Variants in NPAS3 observed in about 807,000 individuals in gnomAD.
NPAS3 encodes the protein neuronal PAS domain-containing protein 3.
In NPAS3, 14 loss-of-function variants were observed where a neutral mutation model predicts 73.1. That is an observed-to-expected ratio of 0.19 (90% CI 0.13 to 0.30). The LOEUF (loss-of-function observed/expected upper bound fraction) is 0.30. NPAS3 is among the 10% of genes least tolerant of loss of function. NPAS3 has a pLI of 1.00. For synonymous variants in NPAS3, 620 were observed against 541.5 expected (o/e 1.14, Z -2.01); for missense variants, 1,096 against 1,250.0 (o/e 0.88, Z 1.86).
chr14:33,012,158 C>T (rs1316112128), intron 1 of NPAS3, among the ~76,000 whole-genome samples: 1 of 152,116 alleles, frequency 6.6e-6, no homozygotes, highest in Non-Finnish European at 1.5e-5. Flanking sequence ...TAAAAACAGC[C>T]TTGCCCTATC....
intron 3 of NPAS3, among the ~76,000 whole-genome samples, chr14:33,274,677 C>T (rs2041247520): frequency 6.6e-6 from 1 of 152,116 alleles, no homozygotes; most frequent in African/African-American, 2.4e-5. Flanking sequence ...ATCTCAGTTG[C>T]ATAAATGATA....
intron 2 of NPAS3, among the ~76,000 whole-genome samples, chr14:33,169,971 T>A (rs189248010): frequency 1.5e-4 from 23 of 152,310 alleles, no homozygotes; most frequent in Admixed American, 1.4e-3. Flanking sequence ...CTGATACATC[T>A]TGTAGTTTTG....
At chr14:33,331,757 T>G (rs1194381074) in intron 3 of NPAS3, among the ~76,000 whole-genome samples, 1 of 152,222 alleles carries the variant, frequency 6.6e-6, no homozygotes, top group Non-Finnish European at 1.5e-5. Flanking sequence ...GATGACATCA[T>G]TTTTGACTCT....
intron 6 of NPAS3, among the ~76,000 whole-genome samples, chr14:33,687,240 T>C (rs1387537294): frequency 6.6e-6 from 1 of 152,162 alleles, no homozygotes; most frequent in African/African-American, 2.4e-5. Context: ...CAATTGGTAA[T>C]AAAATATGGA....
At chr14:33,396,870 C>T (rs1250255316) in intron 4 of NPAS3, among the ~76,000 whole-genome samples, 1 of 152,098 alleles carries the variant, frequency 6.6e-6, no homozygotes, top group Admixed American at 6.6e-5. Flanking sequence ...TCTGATGGAG[C>T]ATGCACAAAT....
chr14:33,600,180 A>G (rs976736195), intron 5 of NPAS3, among the ~76,000 whole-genome samples: 1 of 152,204 alleles, frequency 6.6e-6, no homozygotes, highest in Non-Finnish European at 1.5e-5. Context: ...ATGAAGAGTC[A>G]TATTATCCAC....
chr14:33,335,035 T>TGTGTGC (rs752868609), intron 3 of NPAS3, among the ~76,000 whole-genome samples: 7,822 of 116,350 alleles, frequency 0.067, 510 homozygotes, highest in East Asian at 0.21. Context: ...TTCCATTGTG[T>TGTGTGC]GTGTGTGCGT....
At chr14:33,651,653 CCT>C (rs1430992933) in intron 5 of NPAS3, among the ~76,000 whole-genome samples, 2 of 152,060 alleles carry the variant, frequency 1.3e-5, no homozygotes, top group African/African-American at 4.8e-5. Flanking sequence ...TTTCTCTATA[CCT>C]CTGTTTCCTC....
intron 7 of NPAS3, among the ~76,000 whole-genome samples, chr14:33,760,375 T>C (rs1428586329): frequency 6.6e-6 from 1 of 152,206 alleles, no homozygotes; most frequent in African/African-American, 2.4e-5. Flanking sequence ...TTCATTGCTG[T>C]ATCCCCAGAA....
chr14:33,123,106 TTAAA>T (rs1379381409), intron 2 of NPAS3, among the ~76,000 whole-genome samples: 1 of 84,832 alleles, frequency 1.2e-5, no homozygotes, highest in African/African-American at 3.4e-5. Context: ...TTTAGATAAA[TTAAA>T]TAAATTTAGA....
At chr14:33,373,846 C>T (rs1268057565) in intron 4 of NPAS3, among the ~76,000 whole-genome samples, 2 of 152,082 alleles carry the variant, frequency 1.3e-5, no homozygotes, top group Non-Finnish European at 1.5e-5. Flanking sequence ...GTAAGAGCCT[C>T]CAAGAACATT....
At chr14:33,390,833 T>C (rs2046970851) in intron 4 of NPAS3, among the ~76,000 whole-genome samples, 1 of 152,196 alleles carries the variant, frequency 6.6e-6, no homozygotes, top group South Asian at 2.1e-4. Flanking sequence ...TATTTTTTAT[T>C]TTATTACCAT....
At chr14:33,133,267 A>G (rs1279947848) in intron 2 of NPAS3, among the ~76,000 whole-genome samples, 1 of 152,204 alleles carries the variant, frequency 6.6e-6, no homozygotes, top group Non-Finnish European at 1.5e-5. Flanking sequence ...CATACACTAC[A>G]TAAAAACACA....
chr14:33,420,838 C>T (rs76268500), intron 4 of NPAS3, among the ~76,000 whole-genome samples: 70 of 151,960 alleles, frequency 4.6e-4, no homozygotes, highest in African/African-American at 1.6e-3. Context: ...TAGATTCATG[C>T]CATCAGAAGT....
intron 4 of NPAS3, among the ~76,000 whole-genome samples, chr14:33,431,648 T>A (rs979352041): frequency 1.3e-5 from 2 of 152,202 alleles, no homozygotes; most frequent in Non-Finnish European, 2.9e-5. Flanking sequence ...TCTTTAGGGA[T>A]CTAGAGTTCA....
intron 2 of NPAS3, among the ~76,000 whole-genome samples, chr14:33,203,061 C>T (rs2046682444): frequency 6.6e-6 from 1 of 152,238 alleles, no homozygotes; most frequent in Non-Finnish European, 1.5e-5. Flanking sequence ...ACACATTACA[C>T]TGTTTAATCG....
At chr14:33,133,737 T>A (rs1265669430) in intron 2 of NPAS3, among the ~76,000 whole-genome samples, 3 of 152,156 alleles carry the variant, frequency 2.0e-5, no homozygotes, top group Admixed American at 2.0e-4. Flanking sequence ...TTTGTAAGAA[T>A]GTAGTTTCTA....
intron 5 of NPAS3, among the ~76,000 whole-genome samples, chr14:33,629,966 T>G (rs1453031760): frequency 2.0e-5 from 3 of 152,236 alleles, no homozygotes; most frequent in Admixed American, 1.3e-4. Flanking sequence ...CATTCTTCTT[T>G]AGAATTCTTC....
chr14:33,079,762 C>A (rs562621178), intron 2 of NPAS3, among the ~76,000 whole-genome samples: 2 of 151,356 alleles, frequency 1.3e-5, no homozygotes, highest in African/African-American at 4.9e-5. Flanking sequence ...CAGGTGTGTA[C>A]CACCACGCCT....
Sources: gnomAD v4.1 joint callset for allele counts (sites outside exome capture counted in the v4.1 genomes callset) on GRCh38, gnomAD v4.1.1 for gene constraint, MANE v1.5 for transcripts, NCBI Gene and HGNC (gene_info 2026-07-23, HGNC 2026-07-21) for gene names.